The following CP variants were observed in gnomAD, a reference collection of about 807,000 sequenced individuals.
The protein encoded by CP is ceruloplasmin.
In CP, 64 loss-of-function variants were observed where a neutral mutation model predicts 122.4. That is an observed-to-expected ratio of 0.52 (90% confidence interval 0.43 to 0.64). CP has a LOEUF of 0.64. CP is among the 30% of genes least tolerant of loss of function. The pLI is 0.00. For missense variants in CP, 1,167 were observed against 1,284.4 expected, an observed-to-expected ratio of 0.91 and a Z score of 1.40; for synonymous variants, 440 against 436.4, an observed-to-expected ratio of 1.01 and a Z score of -0.10.
intron 9 of CP, among the ~76,000 whole-genome samples, chr3:149,189,068 T>C (rs1044844171): frequency 1.3e-5 from 2 of 152,120 alleles, no homozygotes; most frequent in South Asian, 2.1e-4. Context: ...AATATACACA[T>C]TGTAATAATT....
chr3:149,199,357 T>C (rs1727138413), intron 8 of CP, among the ~76,000 whole-genome samples: 1 of 152,140 alleles, frequency 6.6e-6, no homozygotes, highest in African/African-American at 2.4e-5. Flanking sequence ...AATTAGTATT[T>C]TTTGCTACCT....
intron 8 of CP, 47 bp from the exon 9 acceptor site, chr3:149,198,625 G>A (rs1350090287): frequency 6.5e-7 from 1 of 1,540,138 alleles, no homozygotes; most frequent in East Asian, 2.3e-5. Flanking sequence ...TTTCTAACGT[G>A]GTCATTTGAG....
At position 149,209,798 on chromosome 3, in the gene CP, T is replaced by C. The variant is rs78706147; in HGVS notation, c.607+369A>G. On this transcript the variant is annotated intron_variant, in intron 3 of 18. Transcript: ENST00000264613. ...ATGTTAGAAATAAATACTATGATAT[T>C]ATGTTTACCAATATAGTATGAGTAA... 6.4e-4 allele frequency among the ~76,000 whole-genome samples: 98 copies of C among 152,320 alleles called. 1 individual carries two copies. Among genetic ancestry groups the C allele is most frequent in the African/African-American group, 2.3e-3 (97 of 41,574 alleles).
chr3:149,217,797 A>C, intron 1 of CP: 2 of 269,784 alleles, frequency 7.4e-6, no homozygotes, highest in South Asian at 7.1e-5. Flanking sequence ...ACAATAGTGA[A>C]ATGAACACTT....
chr3:149,162,492 A>G (rs763855328), exon 6 of CP: 1 of 893,978 alleles, frequency 1.1e-6, no homozygotes, highest in African/African-American at 1.7e-5. Context: ...AAAAGACTAT[A>G]TCTGTAGAAA....
In CP at chr3:149,183,506, T is replaced by G. The variant is rs1371511241; in HGVS notation, c.2385A>C (p.Pro795=). 2.5e-6 allele frequency: 4 copies of G among 1,611,774 alleles called. No homozygotes were observed. Among genetic ancestry groups the G allele is most frequent in the Non-Finnish European group, 3.4e-6 (4 of 1,179,802 alleles). ...GTTCTTCTTCAGCTTTTCTCTCCAC[T>G]GGAACACGGAATGTGCTATCAGTAT... ...RQYTDSTFRV[P]VERKAEEEHL... Residue 795 remains proline (P), a synonymous_variant, in exon 13 of 19, where the codon CCA becomes CCC. Transcript: ENST00000264613.
chr3:149,181,762 G>A (rs1446649989), intron 14 of CP, among the ~76,000 whole-genome samples: 4 of 152,114 alleles, frequency 2.6e-5, no homozygotes, highest in East Asian at 1.9e-4. Context: ...TCTGATTCAC[G>A]CTTGAGGATT....
At chr3:149,203,025 G>C (rs1400440022) in intron 6 of CP, among the ~76,000 whole-genome samples, 2 of 148,248 alleles carry the variant, frequency 1.3e-5, no homozygotes, top group Non-Finnish European at 3.0e-5. Context: ...TCCTGCCTCA[G>C]CCTCCCGAGT....
chr3:149,183,081 C>T lies in CP; in HGVS notation c.2425+385G>A, dbSNP rs183823284. Among the ~76,000 whole-genome samples, 8 of 152,060 alleles carry T rather than the reference C, an allele frequency of 5.3e-5. No individual in the cohort carries two copies. The East Asian group carries it at 1.2e-3, about 22-fold the overall frequency. On this transcript the variant is annotated intron_variant, in intron 13 of 18. Coordinates refer to ENST00000264613, the MANE Select transcript of CP (RefSeq NM_000096.4). ...TGGGAGACTCACTTGAGCACAGGAG[C>T]GGCAGGTTGCAGTGAGCTGAAATCA...
Position 149,183,394 on chromosome 3 carries a change from A to T in CP, c.2425+72T>A, listed in dbSNP as rs1725908586. On this transcript the variant is annotated intron_variant, in intron 13 of 18. Transcript: ENST00000264613. Reference sequence around the variant, plus strand: ...AACCAAGAAAATGAAACCCATAGACATGAATTGACGGTTACTGCAGGTAGC... The same window carrying T: ...AACCAAGAAAATGAAACCCATAGACTTGAATTGACGGTTACTGCAGGTAGC... 2.6e-6 allele frequency: 4 copies of T among 1,514,676 alleles called. No homozygotes were observed. In the South Asian group the frequency reaches 4.6e-5, roughly 17 times the overall value. 93.8% of individuals were successfully genotyped at this position (1,514,676 alleles called of 1,614,324 possible). A position where few individuals can be genotyped will look rare whatever the true frequency, so the allele number is the denominator to read the frequency against.
At chr3:149,187,335 C>T (rs886773215) in intron 10 of CP, among the ~76,000 whole-genome samples, 1 of 152,092 alleles carries the variant, frequency 6.6e-6, no homozygotes, top group Non-Finnish European at 1.5e-5. Flanking sequence ...TGTAACACAA[C>T]TTTACATGTT....
At chr3:149,176,870 A>G (rs1725454689) in intron 17 of CP, among the ~76,000 whole-genome samples, 1 of 152,174 alleles carries the variant, frequency 6.6e-6, no homozygotes, top group Admixed American at 6.6e-5. Context: ...CACTTCAGGG[A>G]GTCTCGGCTG....
Position 149,198,576 on chromosome 3 carries a change from C to T in CP, c.1504G>A (p.Val502Met), listed in dbSNP as rs772373841. Residue 502 changes from valine to methionine, a missense_variant and splice_region_variant, in exon 9 of 19, where the codon GTG becomes ATG. Coordinates refer to ENST00000264613, the MANE Select transcript of CP (RefSeq NM_000096.4). ...GCCACATGGGAGGCTGAAGGAGGCACACCTGTGAGAAAGGTCACATTAGAG... is the reference window on the plus strand; with the variant it reads ...GCCACATGGGAGGCTGAAGGAGGCATACCTGTGAGAAAGGTCACATTAGAG... ...SPNYNPQSRS[V>M]PPSASHVAPT... 6.2e-7 allele frequency: 1 copy of T among 1,613,558 alleles called. No homozygotes were observed. The highest frequency in any genetic ancestry group is 1.7e-5 in the Admixed American group (1 of 59,966).
At chr3:149,172,383 C>T, downstream of CP, 1 of 603,382 alleles carries the variant, frequency 1.7e-6, no homozygotes, top group Non-Finnish European at 2.9e-6. Flanking sequence ...TTTCAGGCTG[C>T]TTACCTTACC....
At chr3:149,184,334 C>G (rs554804885) in intron 12 of CP, among the ~76,000 whole-genome samples, 12 of 152,196 alleles carry the variant, frequency 7.9e-5, no homozygotes, top group African/African-American at 2.4e-4. Flanking sequence ...CGCGCCCGGC[C>G]AGTTTTCACT....
chr3:149,204,975 C>T (rs1727604168), intron 6 of CP, among the ~76,000 whole-genome samples: 1 of 151,706 alleles, frequency 6.6e-6, no homozygotes, highest in African/African-American at 2.4e-5. Flanking sequence ...AATTAATATC[C>T]TGAATATATA....
At chr3:149,191,860 A>T (rs886217130) in intron 9 of CP, among the ~76,000 whole-genome samples, 1 of 152,104 alleles carries the variant, frequency 6.6e-6, no homozygotes, top group Non-Finnish European at 1.5e-5. Flanking sequence ...AATGAGAAAC[A>T]TGCAGGACGA....
At position 149,178,514 on chromosome 3, in the gene CP, C is replaced by G. The variant is rs11553309; in HGVS notation, c.2779G>C (p.Glu927Gln). 1 of 1,612,858 alleles carries G rather than the reference C, an allele frequency of 6.2e-7. No individual in the cohort carries two copies. The highest frequency in any genetic ancestry group is 2.2e-5 in the East Asian group (1 of 44,862). ...ATGTTGTCATCTAAGTACCAAGATTCATTCTCATCAAAAACTAGAAACAGA... is the reference window on the plus strand; with the variant it reads ...ATGTTGTCATCTAAGTACCAAGATTGATTCTCATCAAAAACTAGAAACAGA... Reference protein sequence around the residue: ...ALLFLVFDENESWYLDDNIKT... With the variant: ...ALLFLVFDENQSWYLDDNIKT... The change falls in exon 16 of 19, where the codon GAA (glutamate) becomes CAA (glutamine). Residue 927 changes from glutamate to glutamine, a missense_variant. Transcript: ENST00000264613.
At chr3:149,221,554 A>T in intron 1 of CP, 93 bp downstream of exon 1, 1 of 1,240,298 alleles carries the variant, frequency 8.1e-7, no homozygotes, top group Middle Eastern at 2.6e-4. Flanking sequence ...GTTTCTGTAT[A>T]TAAGAAATTT....
Sources: gnomAD v4.1 joint callset for allele counts (sites outside exome capture counted in the v4.1 genomes callset) on GRCh38, gnomAD v4.1.1 for gene constraint, MANE v1.5 for transcripts, NCBI Gene and HGNC (gene_info 2026-07-23, HGNC 2026-07-21) for gene names.